Variants in ATP13A3 observed in about 807,000 individuals in gnomAD.
The protein encoded by ATP13A3 is polyamine-transporting ATPase 13A3.
A neutral mutation model predicts 158.1 loss-of-function variants in ATP13A3; 59 were observed. That is an observed-to-expected ratio of 0.37 (90% CI 0.30 to 0.46). The LOEUF is 0.46. ATP13A3 is among the 20% of genes least tolerant of loss of function. The pLI is 1.00. For synonymous variants in ATP13A3, 491 were observed against 504.3 expected (o/e 0.97, Z 0.35); for missense variants, 1,166 against 1,525.2 (o/e 0.76, Z 3.92).
chr3:194,418,879 C>G (rs1228269613), intron 31 of ATP13A3, among the ~76,000 whole-genome samples: 1 of 152,162 alleles, frequency 6.6e-6, no homozygotes, highest in Non-Finnish European at 1.5e-5. Flanking sequence ...ATTTAAAAAG[C>G]AGATGGACTT....
chr3:194,454,611 G>A (rs1214885879), intron 8 of ATP13A3, among the ~76,000 whole-genome samples: 9 of 132,786 alleles, frequency 6.8e-5, no homozygotes, highest in Non-Finnish European at 8.3e-5. Flanking sequence ...GGCGGATCAT[G>A]AGGTCAGGAG....
intron 2 of ATP13A3, among the ~76,000 whole-genome samples, chr3:194,482,795 G>A (rs939718812): frequency 1.3e-5 from 2 of 152,026 alleles, no homozygotes; most frequent in Non-Finnish European, 2.9e-5. Context: ...GCAACAAACC[G>A]AGATACTCAT....
rs567475892 is a variant in ATP13A3 at position 194,448,517 on chromosome 3, T to C, written c.1090A>G (p.Thr364Ala). Residue 364 changes from threonine to alanine, a missense_variant, in exon 12 of 34, where the codon ACT (threonine) becomes GCT (alanine). Thr to Ala is a moderately conservative substitution (Grantham distance 58). This residue lies in a region of ATP13A3 where 997 missense variants were observed against 1,341.2 expected (regional missense o/e 0.74). Transcript: ENST00000645319. This position sits in a 1 kb window ranked among gnomAD's most constrained non-coding sequence, Gnocchi z 4.0. ...GTGTAGAAACGAGTCTGAATAACAGTTGTCCCACAAAACAAAGTATGTCGT... is the reference window on the plus strand; with the variant it reads ...GTGTAGAAACGAGTCTGAATAACAGCTGTCCCACAAAACAAAGTATGTCGT... ...HKRHTLFCGT[T>A]VIQTRFYTGE... 1.9e-6 allele frequency: 3 copies of C among 1,614,118 alleles called. No homozygotes were observed. Among genetic ancestry groups the C allele is most frequent in the South Asian group, 1.1e-5 (1 of 91,080 alleles).
At chr3:194,480,701 A>G (rs896629947) in intron 2 of ATP13A3, among the ~76,000 whole-genome samples, 9 of 152,268 alleles carry the variant, frequency 5.9e-5, no homozygotes, top group Middle Eastern at 6.8e-3. Flanking sequence ...CATTATTCAC[A>G]CTGTGGAGTC....
At chr3:194,493,136 A>T (rs1228481121) in intron 2 of ATP13A3, among the ~76,000 whole-genome samples, 1 of 104,430 alleles carries the variant, frequency 9.6e-6, no homozygotes, top group African/African-American at 3.7e-5. Context: ...CTCAGCTCTT[A>T]AAAAAAAAAA....
chr3:194,443,172 A>T (rs1392657036), intron 15 of ATP13A3, among the ~76,000 whole-genome samples: 1 of 152,224 alleles, frequency 6.6e-6, no homozygotes, highest in African/African-American at 2.4e-5. Context: ...GTATAAGACC[A>T]AAATAATAAT....
chr3:194,450,288 G>C lies in ATP13A3; in HGVS notation c.839-12C>G, dbSNP rs199778315. 2 of 1,604,352 alleles carry C rather than the reference G, an allele frequency of 1.2e-6. No individual in the cohort carries two copies. Among genetic ancestry groups the C allele is most frequent in the Admixed American group, 1.7e-5 (1 of 59,322 alleles). On this transcript the variant is annotated splice_polypyrimidine_tract_variant and intron_variant, in intron 10 of 33. Coordinates refer to ENST00000645319, the MANE Select transcript of ATP13A3 (RefSeq NM_001367549.1). ...GATTTCTTCTATTTCTGAAATTAAA[G>C]AAAGAAAGAAAAATCTGAAAAAGAT... is the stretch of plus-strand genomic sequence containing the variant.
Position 194,481,896 on chromosome 3 carries a change from C to T in ATP13A3, c.-47+3898G>A, listed in dbSNP as rs1362395823. 6.6e-5 allele frequency among the ~76,000 whole-genome samples: 10 copies of T among 152,188 alleles called. No individual in the cohort carries two copies. The East Asian group carries it at 1.5e-3, about 23-fold the overall frequency. On this transcript the variant is annotated intron_variant, in intron 2 of 33. Transcript: ENST00000645319. ...AAGAATCAACAAAAAAGACAAAATT[C>T]TGATTAACAGATTAATTTTGCGGTC...
intron 2 of ATP13A3, among the ~76,000 whole-genome samples, chr3:194,468,513 A>ATT: frequency 6.6e-6 from 1 of 152,196 alleles, no homozygotes; most frequent in African/African-American, 2.4e-5. Flanking sequence ...ACTACAAACA[A>ATT]TTAAAGTATA....
intron 4 of ATP13A3, 64 bp downstream of exon 4, chr3:194,460,594 A>C: frequency 6.7e-7 from 1 of 1,499,894 alleles, no homozygotes; most frequent in South Asian, 1.3e-5. Context: ...TTTCGAATAA[A>C]GTATACACAA....
intron 11 of ATP13A3, among the ~76,000 whole-genome samples, chr3:194,449,029 A>G (rs1718600676): frequency 6.8e-6 from 1 of 146,460 alleles, no homozygotes; most frequent in African/African-American, 2.6e-5. Flanking sequence ...GTGAGGGCCT[A>G]CCCCGATCCA....
At chr3:194,453,427 T>TAA (rs35823728) in intron 10 of ATP13A3, among the ~76,000 whole-genome samples, 2 of 145,310 alleles carry the variant, frequency 1.4e-5, no homozygotes, top group Non-Finnish European at 3.0e-5. Flanking sequence ...ACCCTGTCTC[T>TAA]AAAAAAAAAA....
chr3:194,486,333 C>A (rs1452040608), intron 1 of ATP13A3, among the ~76,000 whole-genome samples: 2 of 152,154 alleles, frequency 1.3e-5, no homozygotes, highest in Non-Finnish European at 2.9e-5. Flanking sequence ...ACCAAGCGCC[C>A]GGCCCCCACG....
chr3:194,466,603 G>A (rs1266799229), intron 2 of ATP13A3, among the ~76,000 whole-genome samples: 2 of 152,180 alleles, frequency 1.3e-5, no homozygotes, highest in Admixed American at 6.5e-5. Context: ...TAAAAGCTGA[G>A]TGAATGGATA....
intron 21 of ATP13A3, 46 bp from the exon 22 acceptor site, chr3:194,431,938 G>T (rs550535357): frequency 7.0e-7 from 1 of 1,434,796 alleles, no homozygotes; most frequent in Non-Finnish European, 9.3e-7. Flanking sequence ...AAATGGAAAC[G>T]TGAACGTATC....
At chr3:194,490,367 G>A (rs1452340149), upstream of ATP13A3, among the ~76,000 whole-genome samples, 3 of 152,174 alleles carry the variant, frequency 2.0e-5, no homozygotes, top group African/African-American at 7.2e-5. The surrounding 1 kb of genome is among the most constrained non-coding windows in gnomAD (Gnocchi z 4.4). Flanking sequence ...TGCCAAATCC[G>A]GAGGACACTT....
At chr3:194,416,818 T>C (rs1301947689) in intron 31 of ATP13A3, among the ~76,000 whole-genome samples, 2 of 152,294 alleles carry the variant, frequency 1.3e-5, no homozygotes, top group South Asian at 2.1e-4. Flanking sequence ...TAAAGTCTGA[T>C]AAGGCTTCTG....
At position 194,430,832 on chromosome 3, in the gene ATP13A3, T is replaced by C. The variant is rs1048591128; in HGVS notation, c.2624+111A>G. On this transcript the variant is annotated intron_variant, in intron 24 of 33. Coordinates refer to ENST00000645319, the MANE Select transcript of ATP13A3 (RefSeq NM_001367549.1). Reference sequence around the variant, plus strand: ...AACTATCTTATAGATCACAATTATATATATAAATATGAAATATTAGTATAA... The same window carrying C: ...AACTATCTTATAGATCACAATTATACATATAAATATGAAATATTAGTATAA... 14 of 750,752 alleles carry C rather than the reference T, an allele frequency of 1.9e-5. No homozygotes were observed. The African/African-American group carries it at 2.5e-4, about 14-fold the overall frequency. The allele number at this position is 750,752 out of a possible 1,614,324, so 46.5% of individuals were successfully genotyped here. A position where few individuals can be genotyped will look rare whatever the true frequency, so the allele number is the denominator to read the frequency against.
At chr3:194,490,964 G>A (rs1048812775), upstream of ATP13A3, among the ~76,000 whole-genome samples, 1 of 152,190 alleles carries the variant, frequency 6.6e-6, no homozygotes, top group African/African-American at 2.4e-5. This position sits in a 1 kb window ranked among gnomAD's most constrained non-coding sequence, Gnocchi z 4.4. Flanking sequence ...TGGCCAACAT[G>A]GTGAAACCCC....
Sources: gnomAD v4.1 joint callset for allele counts (sites outside exome capture counted in the v4.1 genomes callset) on GRCh38, gnomAD v4.1.1 for gene constraint, gnomAD v4.1.1 regional missense constraint, Gnocchi (gnomAD v3.1) non-coding constraint, MANE v1.5 for transcripts, NCBI Gene and HGNC (gene_info 2026-07-23, HGNC 2026-07-21) for gene names.